The following SUCO variants were observed in gnomAD, a reference collection of about 807,000 sequenced individuals.
The protein encoded by SUCO is SUN domain-containing ossification factor.
In SUCO, 57 loss-of-function variants were observed where a neutral mutation model predicts 148.1. The ratio of observed to expected loss-of-function variants is 0.38; its 90% CI spans 0.31 to 0.48. The LOEUF is 0.48. SUCO is among the 20% of genes least tolerant of loss of function. The probability of loss-of-function intolerance (pLI) is 0.96; values close to 1 mark genes in which losing one functional copy is unlikely to be tolerated. For missense variants in SUCO, 1,331 were observed against 1,468.2 expected, an observed-to-expected ratio of 0.91 and a Z score of 1.53; for synonymous variants, 470 against 502.7, an observed-to-expected ratio of 0.93 and a Z score of 0.87.
intron 22 of SUCO, among the ~76,000 whole-genome samples, chr1:172,604,872 A>G (rs1011699192): frequency 1.3e-5 from 2 of 152,000 alleles, no homozygotes; most frequent in East Asian, 1.9e-4. Context: ...GGGTGAAATA[A>G]TATTCCATCC....
At chr1:172,535,432 A>C (rs1403359870) in intron 1 of SUCO, among the ~76,000 whole-genome samples, 2 of 152,226 alleles carry the variant, frequency 1.3e-5, no homozygotes, top group Admixed American at 1.3e-4. Flanking sequence ...ATGATGATGA[A>C]TGAGATTGGG....
chr1:172,601,492 C>G (rs1188714112), intron 20 of SUCO, among the ~76,000 whole-genome samples: 2 of 134,900 alleles, frequency 1.5e-5, no homozygotes, highest in Non-Finnish European at 3.1e-5. Context: ...GAGCAAGGCT[C>G]TGTCTCAAAA....
chr1:172,579,236 A>G lies in SUCO; in HGVS notation c.1467A>G (p.Lys489=). 2 of 1,600,266 alleles carry G rather than the reference A, an allele frequency of 1.2e-6. No homozygotes were observed. The highest frequency in any genetic ancestry group is 1.7e-6 in the Non-Finnish European group (2 of 1,169,416). Residue 489 remains lysine, a synonymous_variant, in exon 15 of 24, where the codon AAA becomes AAG. Transcript: ENST00000263688. Reference sequence around the variant, plus strand: ...TGGATTATAATACTGGAGAGGATAAATCCTCAAAAAATCTTCTTGGTTCTG... The same window carrying G: ...TGGATTATAATACTGGAGAGGATAAGTCCTCAAAAAATCTTCTTGGTTCTG... ...YPLDYNTGED[K]SSKNLLGSAT... is the part of the protein sequence containing the mutation.
rs949566147 is a variant in SUCO, at chr1:172,607,051, A to G, written c.3266-1696A>G. ...AATCCAGGTCTGTATTTTCCTTGTT[A>G]TATGTTTCCTGCAGATATTTTCAAG... On this transcript the variant is annotated intron_variant, in intron 22 of 23. Coordinates refer to ENST00000263688, the MANE Select transcript of SUCO (RefSeq NM_014283.5). 3.3e-5 allele frequency among the ~76,000 whole-genome samples: 5 copies of G among 151,832 alleles called. No individual in the cohort carries two copies. The South Asian group carries it at 1.0e-3, about 31-fold the overall frequency.
At chr1:172,603,518 A>G (rs1248273195) in intron 22 of SUCO, among the ~76,000 whole-genome samples, 2 of 152,080 alleles carry the variant, frequency 1.3e-5, no homozygotes, top group Admixed American at 6.6e-5. Flanking sequence ...TTTTATTATT[A>G]TCACAAAGCT....
intron 1 of SUCO, chr1:172,544,268 A>AT: frequency 2.8e-6 from 1 of 355,796 alleles, no homozygotes; most frequent in Non-Finnish European, 3.9e-6. Context: ...GTGTTTTCTC[A>AT]TTCTTCTTTT....
intron 19 of SUCO, among the ~76,000 whole-genome samples, chr1:172,595,914 C>T (rs888650276): frequency 2.6e-5 from 4 of 152,298 alleles, no homozygotes; most frequent in Admixed American, 1.3e-4. Context: ...TCAGGTACAC[C>T]ATTCAAATGT....
In SUCO at chr1:172,611,638, A is replaced by G. The variant is rs1658221102; in HGVS notation, c.*1379A>G. The stretch of plus-strand genomic sequence containing the variant: ...ATTTAAATTTCTTTCCTGTCTGCAC[A>G]ATTAGCTATTCAGAGCAAGAGGGCC... On this transcript the variant is annotated 3_prime_UTR_variant, in exon 24 of 24. Transcript: ENST00000263688. 1 of 152,642 alleles carries G rather than the reference A, an allele frequency of 6.6e-6. No homozygotes were observed. The highest frequency in any genetic ancestry group is 6.5e-5 in the Admixed American group (1 of 15,274). 9.5% of individuals were successfully genotyped at this position (152,642 alleles called of 1,614,324 possible). A position where few individuals can be genotyped will look rare whatever the true frequency, so the allele number is the denominator to read the frequency against.
At position 172,611,536 on chromosome 1, in the gene SUCO, T is replaced by G. The variant is rs1344223757; in HGVS notation, c.*1277T>G. On this transcript the variant is annotated 3_prime_UTR_variant, in exon 24 of 24. Transcript: ENST00000263688. ...CTTGCCTAATACCTTTCTTGGGTAT[T>G]GTTTGTAATGTGACTTATTTAACGC... is the stretch of plus-strand genomic sequence containing the variant. 1 of 152,660 alleles carries G rather than the reference T, an allele frequency of 6.6e-6. No homozygotes were observed. The highest frequency in any genetic ancestry group is 1.9e-4 in the East Asian group (1 of 5,204). 9.5% of individuals were successfully genotyped at this position (152,660 alleles called of 1,614,324 possible).
intron 1 of SUCO, among the ~76,000 whole-genome samples, chr1:172,537,501 G>A (rs1036701007): frequency 2.0e-5 from 3 of 152,118 alleles, no homozygotes; most frequent in African/African-American, 4.8e-5. Flanking sequence ...TCCCGATGTT[G>A]TGAGGGTCAA....
In SUCO at chr1:172,585,956, A is replaced by G; in HGVS notation, c.1658+8A>G. Reference sequence around the variant, plus strand: ...TCCTGTTCCATCTCCTGAGTAAGTTATAATGTGATATTAAATAGAATTTTG... The same window carrying G: ...TCCTGTTCCATCTCCTGAGTAAGTTGTAATGTGATATTAAATAGAATTTTG... On this transcript the variant is annotated splice_region_variant and intron_variant, in intron 17 of 23. Transcript: ENST00000263688. 1.3e-6 allele frequency: 2 copies of G among 1,540,580 alleles called. No homozygotes were observed. The highest frequency in any genetic ancestry group is 1.8e-6 in the Non-Finnish European group (2 of 1,129,044).
chr1:172,554,693 TG>T (rs1048405193), intron 3 of SUCO, among the ~76,000 whole-genome samples: 1 of 148,380 alleles, frequency 6.7e-6, no homozygotes, highest in Non-Finnish European at 1.5e-5. Flanking sequence ...GCCGAGATCA[TG>T]CCACTGCACT....
At position 172,557,735 on chromosome 1, in the gene SUCO, G is replaced by C. The variant is rs41263742; in HGVS notation, c.673G>C (p.Glu225Gln). The C allele has an allele frequency of 6.2e-7, 1 of 1,613,270 alleles. No individual in the cohort carries two copies. The highest frequency in any genetic ancestry group is 8.5e-7 in the Non-Finnish European group (1 of 1,179,700). ...ATTTGAATCAAAAGTTTCAGCAAGT[G>C]AACAGGGCGGTGGTGATCCAAAATC... is the stretch of plus-strand genomic sequence containing the variant. The part of the protein sequence containing the change: ...SEFESKVSAS[E>Q]QGGGDPKSAL... Residue 225 changes from glutamate to glutamine, a missense_variant, in exon 6 of 24, where the codon GAA becomes CAA. Glu to Gln is a conservative substitution (Grantham distance 29, BLOSUM62 2). Transcript: ENST00000263688.
chr1:172,533,938 A>G (rs1651820763), intron 1 of SUCO, among the ~76,000 whole-genome samples: 2 of 152,268 alleles, frequency 1.3e-5, no homozygotes, highest in African/African-American at 4.8e-5. Flanking sequence ...GTGAGTGGTC[A>G]TGAAGGTAAG....
intron 5 of SUCO, 108 bp downstream of exon 5, chr1:172,557,525 T>C: frequency 6.7e-7 from 1 of 1,500,660 alleles, no homozygotes; most frequent in Non-Finnish European, 9.1e-7. Context: ...GAGAGAAAGC[T>C]GATCTCTTTG....
chr1:172,600,279 C>A, intron 20 of SUCO, 111 bp downstream of exon 20: 1 of 750,812 alleles, frequency 1.3e-6, no homozygotes, highest in Non-Finnish European at 2.1e-6. Context: ...ACAAAATTGT[C>A]ATTTGTAGTG....
Position 172,569,663 on chromosome 1 carries a change from A to G in SUCO, c.857-384A>G, listed in dbSNP as rs534565958. 2.0e-5 allele frequency among the ~76,000 whole-genome samples: 3 copies of G among 152,250 alleles called. No individual in the cohort carries two copies. In the East Asian group the frequency reaches 5.8e-4, roughly 29 times the overall value. On this transcript the variant is annotated intron_variant, in intron 7 of 23. Coordinates refer to ENST00000263688, the MANE Select transcript of SUCO (RefSeq NM_014283.5). The stretch of plus-strand genomic sequence containing the variant: ...TGGCACATGTTTACCTATGTAACAA[A>G]CCTGCACATCTTGCGTGTGTACCCC...
chr1:172,533,562 C>T (rs1651783701), intron 1 of SUCO, 65 bp downstream of exon 1: 3 of 1,457,780 alleles, frequency 2.1e-6, no homozygotes, highest in Non-Finnish European at 2.7e-6. Flanking sequence ...CAGCCCAGGT[C>T]ACACCCCCTG....
rs569653282 is a variant in SUCO at position 172,572,066 on chromosome 1, C to T, written c.1049+1336C>T. On this transcript the variant is annotated intron_variant, in intron 9 of 23. Coordinates refer to ENST00000263688, the MANE Select transcript of SUCO (RefSeq NM_014283.5). ...CCCCCGCCCGGCCAGCCGCCCCGTC[C>T]GGGAGGGAGGTGGGGGGTCAGCCCC... is the stretch of plus-strand genomic sequence containing the variant. 6.0e-4 allele frequency among the ~76,000 whole-genome samples: 31 copies of T among 51,868 alleles called. 6 individuals carry two copies. The highest frequency in any genetic ancestry group is 9.0e-4 in the Non-Finnish European group (23 of 25,502). 34.0% of individuals were successfully genotyped at this position (51,868 alleles called of 152,430 possible).
Sources: gnomAD v4.1 joint callset for allele counts (sites outside exome capture counted in the v4.1 genomes callset) on GRCh38, gnomAD v4.1.1 for gene constraint, MANE v1.5 for transcripts, NCBI Gene and HGNC (gene_info 2026-07-23, HGNC 2026-07-21) for gene names.